ERBB4: variants seen among roughly 807,000 people sequenced by gnomAD.
ERBB4 encodes erb-b2 receptor tyrosine kinase 4.
ERBB4 carries 42 observed loss-of-function variants against 158.0 expected under a neutral mutation model. The observed-to-expected ratio is 0.27, with a 90% confidence interval of 0.21 to 0.34. ERBB4 has a LOEUF of 0.34. Ranked by LOEUF, ERBB4 falls within the 10% of genes least tolerant of loss-of-function variation. The pLI is 1.00. For missense variants in ERBB4, 1,333 were observed against 1,624.1 expected (o/e 0.82, Z 3.08); for synonymous variants, 583 against 558.7 (o/e 1.04, Z -0.61).
At chr2:211,614,486 C>T (rs1481326519) in intron 19 of ERBB4, among the ~76,000 whole-genome samples, 1 of 151,924 alleles carries the variant, frequency 6.6e-6, no homozygotes, top group East Asian at 1.9e-4. Context: ...CCACGATGTG[C>T]TTATTTCACA....
chr2:212,001,612 A>G (rs980888565), intron 2 of ERBB4, among the ~76,000 whole-genome samples: 4 of 152,220 alleles, frequency 2.6e-5, no homozygotes, highest in African/African-American at 7.2e-5. Flanking sequence ...TGTGCTGTGT[A>G]CAGCATAGCT....
intron 1 of ERBB4, among the ~76,000 whole-genome samples, chr2:212,536,549 G>A (rs1693076639): frequency 6.6e-6 from 1 of 152,158 alleles, no homozygotes; most frequent in African/African-American, 2.4e-5. Context: ...CGCTCTAAAT[G>A]GGCTCACTTG....
chr2:211,696,501 C>T (rs939635684), intron 12 of ERBB4, among the ~76,000 whole-genome samples: 22 of 151,944 alleles, frequency 1.4e-4, no homozygotes, highest in African/African-American at 5.3e-4. Context: ...GGTATAGAGA[C>T]AATAAGTGAT....
At chr2:212,251,032 C>T (rs2084513249) in intron 1 of ERBB4, among the ~76,000 whole-genome samples, 1 of 152,012 alleles carries the variant, frequency 6.6e-6, no homozygotes, top group South Asian at 2.1e-4. Context: ...ATCAAATAGT[C>T]TAGGGCTGGC....
intron 9 of ERBB4, among the ~76,000 whole-genome samples, chr2:211,710,361 C>A (rs908551865): frequency 5.3e-5 from 8 of 152,106 alleles, no homozygotes; most frequent in African/African-American, 1.4e-4. Context: ...ATCTTACATT[C>A]ATGTGGTATT....
At chr2:212,500,627 T>C (rs1221477640) in intron 1 of ERBB4, among the ~76,000 whole-genome samples, 3 of 152,256 alleles carry the variant, frequency 2.0e-5, no homozygotes, top group Admixed American at 2.0e-4. Context: ...GCAGACATGT[T>C]AAGAATATTT....
intron 20 of ERBB4, among the ~76,000 whole-genome samples, chr2:211,560,262 CTTTTTTTTTTTTTTT>C (rs769707072): frequency 6.5e-5 from 3 of 46,312 alleles, no homozygotes; most frequent in East Asian, 9.2e-4. Context: ...TGAAGCTTAG[CTTTTTTTTTTTTTTT>C]TTTTTTTTTT....
chr2:211,742,371 A>G lies in ERBB4; in HGVS notation c.622+8268T>C, dbSNP rs956343339. Reference sequence around the variant, plus strand: ...TTGTCATTTTGCTTTCACATTCTACAGGAAACTGTTGAAAATTTCATGGAG... The same window carrying G: ...TTGTCATTTTGCTTTCACATTCTACGGGAAACTGTTGAAAATTTCATGGAG... On this transcript the variant is annotated intron_variant, in intron 5 of 27. Coordinates refer to ENST00000342788, the MANE Select transcript of ERBB4 (RefSeq NM_005235.3). Among the ~76,000 whole-genome samples, 3 of 152,218 alleles carry G rather than the reference A, an allele frequency of 2.0e-5. No homozygotes were observed. In the East Asian group the frequency reaches 5.8e-4, roughly 29 times the overall value.
At chr2:211,839,099 G>C (rs563998885) in intron 3 of ERBB4, among the ~76,000 whole-genome samples, 4 of 141,486 alleles carry the variant, frequency 2.8e-5, no homozygotes, top group Non-Finnish European at 6.1e-5. Context: ...AAACAAAGAA[G>C]CAAAATATTG....
chr2:212,497,189 A>T (rs57387148), intron 1 of ERBB4, among the ~76,000 whole-genome samples: 1 of 150,868 alleles, frequency 6.6e-6, no homozygotes, highest in Non-Finnish European at 1.5e-5. Context: ...AAAAAAAAAA[A>T]AAAAAAAACC....
chr2:211,785,772 C>A (rs2076147244), intron 4 of ERBB4, among the ~76,000 whole-genome samples: 1 of 152,024 alleles, frequency 6.6e-6, no homozygotes, highest in African/African-American at 2.4e-5. Context: ...TATGAATAAG[C>A]ATATTACTAT....
At chr2:212,427,136 G>A (rs1017807175) in intron 1 of ERBB4, among the ~76,000 whole-genome samples, 4 of 152,130 alleles carry the variant, frequency 2.6e-5, no homozygotes, top group African/African-American at 7.2e-5. Flanking sequence ...ATATGGAAAT[G>A]AGTGTAATTA....
Position 211,434,705 on chromosome 2 carries a change from G to T in ERBB4, c.2488-3605C>A, listed in dbSNP as rs11692864. On this transcript the variant is annotated intron_variant, in intron 20 of 27. Transcript: ENST00000342788. ...CCTGAAGCTAAATACTATTTTTCCA[G>T]AAAAGGTACTTTCTTCAAAATAATG... 2.2e-3 allele frequency among the ~76,000 whole-genome samples: 335 copies of T among 152,212 alleles called. 1 individual carries two copies. The highest frequency in any genetic ancestry group is 3.8e-3 in the Non-Finnish European group (256 of 67,998).
At chr2:211,384,126 T>A in intron 27 of ERBB4, 66 bp from the exon 28 acceptor site, 1 of 1,157,122 alleles carries the variant, frequency 8.6e-7, no homozygotes, top group Middle Eastern at 2.0e-4. Context: ...ACCAAGGTTA[T>A]ACATAATGGT....
Position 211,934,374 on chromosome 2 carries a change from C to T in ERBB4, c.421+13056G>A, listed in dbSNP as rs117028334. ...GAGTAATTTTAGTTAGTATTCTGGT[C>T]CTTAAATAAAAAATTCAAAAAGTGG... On this transcript the variant is annotated intron_variant, in intron 3 of 27. Transcript: ENST00000342788. Among the ~76,000 whole-genome samples the T allele has an allele frequency of 4.3e-4, 65 of 151,856 alleles. No individual in the cohort carries two copies. In the East Asian group the frequency reaches 9.7e-3, roughly 23 times the overall value.
chr2:211,545,242 G>C (rs2066912003), intron 20 of ERBB4, among the ~76,000 whole-genome samples: 1 of 151,946 alleles, frequency 6.6e-6, no homozygotes, highest in Admixed American at 6.6e-5. Flanking sequence ...AAGTAGAAAA[G>C]AACACATCAT....
chr2:211,596,112 T>G (rs376945697), intron 19 of ERBB4, among the ~76,000 whole-genome samples: 6 of 152,240 alleles, frequency 3.9e-5, no homozygotes, highest in African/African-American at 1.4e-4. Flanking sequence ...GTTTCAATAC[T>G]GTAAAGTTTC....
rs527377407 is a variant in ERBB4 at position 211,644,408 on chromosome 2, G to A, written c.1946+13346C>T. Among the ~76,000 whole-genome samples, 6 of 151,628 alleles carry A rather than the reference G, an allele frequency of 4.0e-5. No homozygotes were observed. The South Asian group carries it at 1.2e-3, about 32-fold the overall frequency. The stretch of plus-strand genomic sequence containing the variant: ...TATTGCCTAGGCGATGTTATGATTC[G>A]GCAGATGCTCTGAATACAGATTCAC... On this transcript the variant is annotated intron_variant, in intron 16 of 27. Coordinates refer to ENST00000342788, the MANE Select transcript of ERBB4 (RefSeq NM_005235.3).
At chr2:211,836,807 T>TA (rs2077353628) in intron 3 of ERBB4, among the ~76,000 whole-genome samples, 1 of 151,932 alleles carries the variant, frequency 6.6e-6, no homozygotes, top group South Asian at 2.1e-4. Context: ...AATATTTCGG[T>TA]AATATTATAA....
Sources: allele counts gnomAD v4.1 joint callset (sites outside exome capture counted in the v4.1 genomes callset), GRCh38; gene constraint gnomAD v4.1.1; transcripts MANE v1.5; gene names NCBI Gene and HGNC (gene_info 2026-07-23, HGNC 2026-07-21).